The following ATP8A2 variants were observed in gnomAD, a reference collection of about 807,000 sequenced individuals.
ATP8A2 encodes the protein phospholipid-transporting ATPase IB.
Under a neutral mutation model 165.6 loss-of-function variants are expected in ATP8A2, and 100 were observed. The ratio of observed to expected loss-of-function variants is 0.60; its 90% CI spans 0.51 to 0.71. The LOEUF (loss-of-function observed/expected upper bound fraction) is 0.71, where lower values mean the gene tolerates loss of function less well. ATP8A2 is among the 30% of genes least tolerant of loss of function. The pLI is 0.00. For synonymous variants in ATP8A2, 543 were observed against 548.8 expected (o/e 0.99, Z 0.15); for missense variants, 1,227 against 1,479.5 (o/e 0.83, Z 2.80).
rs1433792565 is a variant in ATP8A2, at chr13:25,495,096, G to A, written c.221+25975G>A. Among the ~76,000 whole-genome samples, 5 of 152,326 alleles carry A rather than the reference G, an allele frequency of 3.3e-5. No homozygotes were observed. The East Asian group carries it at 7.7e-4, about 23-fold the overall frequency. ...CACCTTGGTTGTTGTTCCTGAGCACGTTGAGGACATTTGGGCAAACACAAC... is the reference window on the plus strand; with the variant it reads ...CACCTTGGTTGTTGTTCCTGAGCACATTGAGGACATTTGGGCAAACACAAC... On this transcript the variant is annotated intron_variant, in intron 2 of 36. Coordinates refer to ENST00000381655, the MANE Select transcript of ATP8A2 (RefSeq NM_016529.6).
At chr13:25,973,353 C>A (rs776560615) in intron 35 of ATP8A2, among the ~76,000 whole-genome samples, 7 of 152,172 alleles carry the variant, frequency 4.6e-5, no homozygotes, top group Non-Finnish European at 1.0e-4. Context: ...AGGAGGGAAA[C>A]CTGACTCTTG....
At chr13:25,749,098 C>A (rs1384970025) in intron 25 of ATP8A2, among the ~76,000 whole-genome samples, 1 of 152,124 alleles carries the variant, frequency 6.6e-6, no homozygotes, top group African/African-American at 2.4e-5. Flanking sequence ...ATTGTGGATC[C>A]TTAGGTTGTT....
intron 1 of ATP8A2, among the ~76,000 whole-genome samples, chr13:25,439,958 C>T (rs4769421): frequency 0.69 from 105,462 of 151,866 alleles, 37,239 homozygotes; most frequent in East Asian, 0.99. Flanking sequence ...TGAGAGGTCA[C>T]TGCAGGCTAT....
chr13:25,505,084 G>A (rs903777726), intron 2 of ATP8A2, among the ~76,000 whole-genome samples: 8 of 151,916 alleles, frequency 5.3e-5, no homozygotes, highest in African/African-American at 1.9e-4. Flanking sequence ...TAGTGTATGT[G>A]TTGGTTTTAG....
intron 27 of ATP8A2, among the ~76,000 whole-genome samples, chr13:25,805,789 A>G (rs556922846): frequency 1.3e-5 from 2 of 152,344 alleles, no homozygotes; most frequent in Admixed American, 1.3e-4. Context: ...TGAAGGCTAT[A>G]GATCAATGTA....
At chr13:25,472,402 A>AT (rs2035870831) in intron 2 of ATP8A2, among the ~76,000 whole-genome samples, 1 of 149,762 alleles carries the variant, frequency 6.7e-6, no homozygotes, top group African/African-American at 2.5e-5. Flanking sequence ...TCAAAAAAAA[A>AT]AAAAAAAAAT....
intron 2 of ATP8A2, among the ~76,000 whole-genome samples, chr13:25,473,505 A>G (rs1049023488): frequency 6.6e-6 from 1 of 152,162 alleles, no homozygotes; most frequent in Non-Finnish European, 1.5e-5. Flanking sequence ...GGAGTGTACA[A>G]TCATATCTCC....
chr13:25,401,362 A>G (rs9551204), intron 1 of ATP8A2, among the ~76,000 whole-genome samples: 2 of 152,380 alleles, frequency 1.3e-5, no homozygotes, highest in East Asian at 3.8e-4. Flanking sequence ...AACCTGAAAT[A>G]GTATACTGTA....
At chr13:25,510,419 G>A (rs1566200306) in intron 2 of ATP8A2, among the ~76,000 whole-genome samples, 1 of 152,228 alleles carries the variant, frequency 6.6e-6, no homozygotes, top group African/African-American at 2.4e-5. Context: ...CTTAATAAGA[G>A]CAAATACGTT....
intron 35 of ATP8A2, among the ~76,000 whole-genome samples, chr13:25,975,059 G>A (rs1214981552): frequency 6.6e-6 from 1 of 152,116 alleles, no homozygotes; most frequent in African/African-American, 2.4e-5. Context: ...GTGCCCTTCT[G>A]TGGTTGGTGC....
At chr13:25,827,086 G>GT (rs1398378918) in intron 27 of ATP8A2, among the ~76,000 whole-genome samples, 8 of 151,608 alleles carry the variant, frequency 5.3e-5, no homozygotes, top group South Asian at 2.1e-4. Flanking sequence ...AGTGTTTTTT[G>GT]TTTTTTTTGT....
At chr13:25,768,180 A>T (rs1452399114) in intron 25 of ATP8A2, among the ~76,000 whole-genome samples, 2 of 151,908 alleles carry the variant, frequency 1.3e-5, no homozygotes, top group African/African-American at 4.8e-5. Flanking sequence ...ATGTAGAGTC[A>T]CTCAGTCCTG....
At chr13:25,723,123 A>G (rs938189527) in intron 25 of ATP8A2, among the ~76,000 whole-genome samples, 1 of 152,252 alleles carries the variant, frequency 6.6e-6, no homozygotes, top group Non-Finnish European at 1.5e-5. Flanking sequence ...CAAGTGTTAC[A>G]TATGATGTGG....
intron 27 of ATP8A2, among the ~76,000 whole-genome samples, chr13:25,824,664 A>G (rs1366670946): frequency 6.6e-6 from 1 of 152,130 alleles, no homozygotes; most frequent in East Asian, 1.9e-4. Flanking sequence ...TGTATGCCCT[A>G]GAGGAAATTT....
chr13:25,596,166 G>C (rs2138340016), intron 24 of ATP8A2, among the ~76,000 whole-genome samples: 1 of 152,268 alleles, frequency 6.6e-6, no homozygotes, highest in East Asian at 1.9e-4. Flanking sequence ...AGTGAGAAGT[G>C]GCTGACCTAT....
chr13:25,649,615 C>T (rs1030396543), intron 24 of ATP8A2, among the ~76,000 whole-genome samples: 1 of 152,094 alleles, frequency 6.6e-6, no homozygotes, highest in Non-Finnish European at 1.5e-5. Context: ...TGGTTGTCTC[C>T]CTGCCTGGGT....
chr13:25,381,498 T>A (rs1593230786), intron 1 of ATP8A2, among the ~76,000 whole-genome samples: 1 of 152,338 alleles, frequency 6.6e-6, no homozygotes, highest in African/African-American at 2.4e-5. Flanking sequence ...TACCAGGGGA[T>A]GCTGCTGGAC....
chr13:25,832,748 G>T (rs1007923746), intron 28 of ATP8A2, among the ~76,000 whole-genome samples: 1 of 152,108 alleles, frequency 6.6e-6, no homozygotes, highest in Non-Finnish European at 1.5e-5. Flanking sequence ...GCCCAAAATG[G>T]TAAAATTCTG....
At chr13:25,812,165 C>T (rs1339391338) in intron 27 of ATP8A2, among the ~76,000 whole-genome samples, 1 of 151,444 alleles carries the variant, frequency 6.6e-6, no homozygotes, top group Non-Finnish European at 1.5e-5. Flanking sequence ...TTTCAGTTTT[C>T]TCTGTGGTTT....
Sources: allele counts gnomAD v4.1 joint callset (sites outside exome capture counted in the v4.1 genomes callset), GRCh38; gene constraint gnomAD v4.1.1; transcripts MANE v1.5; gene names NCBI Gene and HGNC (gene_info 2026-07-23, HGNC 2026-07-21).